UCHL1: variants seen among roughly 807,000 people sequenced by gnomAD.
The protein encoded by UCHL1 is ubiquitin C-terminal hydrolase L1.
In UCHL1, 5 loss-of-function variants were observed where a neutral mutation model predicts 33.3. The ratio of observed to expected loss-of-function variants is 0.15; its 90% CI spans 0.08 to 0.32. UCHL1 has a LOEUF of 0.32. Ranked by LOEUF, UCHL1 falls within the 10% of genes least tolerant of loss-of-function variation. UCHL1 has a pLI of 1.00. For missense variants in UCHL1, 236 were observed against 280.0 expected (o/e 0.84, Z 1.12); for synonymous variants, 132 against 108.8 (o/e 1.21, Z -1.33).
chr4:41,261,888 G>T lies in UCHL1; in HGVS notation c.424G>T (p.Ala142Ser). ...CFEKNEAIQA[A>S]HDAVAQEGQC... ...CTTTTTTCCGCAGGCCATACAGGCA[G>T]CCCATGATGCCGTGGCACAGGAAGG... The change falls in exon 6 of 9, where the codon GCC becomes TCC. Residue 142 changes from alanine to serine, a missense_variant. Physicochemically the swap from Ala to Ser is moderately conservative, Grantham distance 99. Transcript: ENST00000284440. The T allele has an allele frequency of 6.2e-7, 1 of 1,614,150 alleles. No homozygotes were observed. Among genetic ancestry groups the T allele is most frequent in the Non-Finnish European group, 8.5e-7 (1 of 1,180,034 alleles).
At position 41,268,217 on chromosome 4, in the gene UCHL1, C is replaced by A. The variant is rs1392364524; in HGVS notation, c.*144C>A. 1.3e-6 allele frequency: 1 copy of A among 779,628 alleles called. No individual in the cohort carries two copies. Among genetic ancestry groups the A allele is most frequent in the Non-Finnish European group, 2.2e-6 (1 of 462,040 alleles). The allele number at this position is 779,628 out of a possible 1,614,324, so 48.3% of individuals were successfully genotyped here. ...CAGACACGCCTTCCCCTCAGCCACA[C>A]CCAGGCACTTAAGCACAAGCAGAGT... On this transcript the variant is annotated 3_prime_UTR_variant, in exon 9 of 9. Transcript: ENST00000284440.
At chr4:41,258,175 C>T (rs1781014452) in intron 3 of UCHL1, among the ~76,000 whole-genome samples, 1 of 152,204 alleles carries the variant, frequency 6.6e-6, no homozygotes, top group South Asian at 2.1e-4. Context: ...ACCTAAATCG[C>T]AGGGAAACAA....
At position 41,256,970 on chromosome 4, in the gene UCHL1, C is replaced by T. The variant is rs757111252; in HGVS notation, c.-7C>T. 5 of 1,614,176 alleles carry T rather than the reference C, an allele frequency of 3.1e-6. No homozygotes were observed. The African/African-American group carries it at 4.0e-5, about 13-fold the overall frequency. On this transcript the variant is annotated 5_prime_UTR_variant, in exon 1 of 9. Coordinates refer to ENST00000284440, the MANE Select transcript of UCHL1 (RefSeq NM_004181.5). ...CCTAGGCTATTTCTGCCGGGCGCTC[C>T]GCGAAGATGCAGCTCAAGCCGATGG...
chr4:41,257,570 T>C lies in UCHL1; in HGVS notation c.46-39T>C, dbSNP rs1196682155. The C allele has an allele frequency of 1.1e-5, 16 of 1,480,770 alleles. No individual in the cohort carries two copies. The East Asian group carries it at 4.6e-4, about 43-fold the overall frequency. 91.7% of individuals were successfully genotyped at this position (1,480,770 alleles called of 1,614,324 possible). A position where few individuals can be genotyped will look rare whatever the true frequency, so the allele number is the denominator to read the frequency against. On this transcript the variant is annotated intron_variant, in intron 2 of 8. Transcript: ENST00000284440. ...CCCTGGCAGGTGCCCGCGACCCGCGTGTCCCCGTGCGCCTGGCCGCCTTGT... is the reference window on the plus strand; with the variant it reads ...CCCTGGCAGGTGCCCGCGACCCGCGCGTCCCCGTGCGCCTGGCCGCCTTGT...
intron 8 of UCHL1, among the ~76,000 whole-genome samples, chr4:41,264,622 C>A (rs551750815): frequency 3.3e-4 from 50 of 152,206 alleles, no homozygotes; most frequent in Non-Finnish European, 2.9e-4. Flanking sequence ...TCTACTGTTA[C>A]AAGAACAAAA....
Position 41,257,013 on chromosome 4 carries a change from A to G in UCHL1, c.33+4A>G, listed in dbSNP as rs375157748. 1.9e-5 allele frequency: 30 copies of G among 1,614,052 alleles called. No homozygotes were observed. The African/African-American group carries it at 3.9e-4, about 21-fold the overall frequency. ...GCCGATGGAGATCAACCCCGAGGTGAGCGCCAGGTGCACCGCTACCCGGAG... is the reference window on the plus strand; with the variant it reads ...GCCGATGGAGATCAACCCCGAGGTGGGCGCCAGGTGCACCGCTACCCGGAG... On this transcript the variant is annotated splice_donor_region_variant and intron_variant, in intron 1 of 8. Transcript: ENST00000284440.
intron 6 of UCHL1, among the ~76,000 whole-genome samples, chr4:41,262,277 C>CTATGTTG (rs1781082194): frequency 6.6e-6 from 1 of 152,078 alleles, no homozygotes; most frequent in Non-Finnish European, 1.5e-5. Flanking sequence ...GCTTGGCCAA[C>CTATGTTG]ATAGTGAAAC....
intron 6 of UCHL1, among the ~76,000 whole-genome samples, chr4:41,262,618 CAG>C (rs1191900916): frequency 2.0e-5 from 3 of 148,802 alleles, no homozygotes; most frequent in East Asian, 2.1e-4. Context: ...AGTCAGATCT[CAG>C]TGTCCTTTTT....
intron 2 of UCHL1, 159 bp downstream of exon 2, chr4:41,257,285 C>A: frequency 1.6e-6 from 2 of 1,219,606 alleles, no homozygotes; most frequent in Non-Finnish European, 1.1e-6. Flanking sequence ...TGGGCCCCTG[C>A]ATTTAGCGGG....
intron 2 of UCHL1, 183 bp downstream of exon 2, chr4:41,257,309 C>A: frequency 9.0e-7 from 1 of 1,106,754 alleles, no homozygotes; most frequent in Non-Finnish European, 1.2e-6. Flanking sequence ...CTCTACGAAA[C>A]CGGTCACGGG....
chr4:41,258,566 A>T (rs1781020998), intron 3 of UCHL1, among the ~76,000 whole-genome samples: 1 of 152,122 alleles, frequency 6.6e-6, no homozygotes, highest in Admixed American at 6.5e-5. Context: ...CCCAGTCATT[A>T]GCGCATGGCA....
At chr4:41,263,994 G>A in intron 7 of UCHL1, 109 bp from the exon 8 acceptor site, 4 of 1,412,758 alleles carry the variant, frequency 2.8e-6, no homozygotes, top group Non-Finnish European at 4.0e-6. Context: ...TCCTTCTGTG[G>A]GTTTGGCAGT....
Position 41,260,942 on chromosome 4 carries a change from GTCC to G in UCHL1, c.325+151_325+153del, listed in dbSNP as rs1460525826. 7 of 1,226,138 alleles carry G rather than the reference GTCC, an allele frequency of 5.7e-6. No individual in the cohort carries two copies. In the East Asian group the frequency reaches 7.0e-5, roughly 12 times the overall value. 76.0% of individuals were successfully genotyped at this position (1,226,138 alleles called of 1,614,324 possible). A position where few individuals can be genotyped will look rare whatever the true frequency, so the allele number is the denominator to read the frequency against. The stretch of plus-strand genomic sequence containing the variant: ...TGTCAGACACTTAATCTGACTCACA[GTCC>G]TCCTCAGAAAGGATTCCTAGCACTT... On this transcript the variant is annotated intron_variant, in intron 4 of 8. Transcript: ENST00000284440.
At position 41,257,455 on chromosome 4, in the gene UCHL1, C is replaced by T. The variant is rs1780996713; in HGVS notation, c.46-154C>T. On this transcript the variant is annotated intron_variant, in intron 2 of 8. Coordinates refer to ENST00000284440, the MANE Select transcript of UCHL1 (RefSeq NM_004181.5). The stretch of plus-strand genomic sequence containing the variant: ...GGCCGCGCTTTGTGCTGTGTCATTG[C>T]GCCGGCCCGGGTGGGGGTGGCAGGG... 14 of 1,105,890 alleles carry T rather than the reference C, an allele frequency of 1.3e-5. 1 individual carries two copies. The South Asian group carries it at 1.7e-4, about 13-fold the overall frequency. The allele number at this position is 1,105,890 out of a possible 1,614,324, so 68.5% of individuals were successfully genotyped here.
chr4:41,268,196 C>G lies in UCHL1; in HGVS notation c.*123C>G. 1.1e-6 allele frequency: 1 copy of G among 941,244 alleles called. No homozygotes were observed. Among genetic ancestry groups the G allele is most frequent in the Non-Finnish European group, 1.7e-6 (1 of 601,840 alleles). 58.3% of individuals were successfully genotyped at this position (941,244 alleles called of 1,614,324 possible). A position where few individuals can be genotyped will look rare whatever the true frequency, so the allele number is the denominator to read the frequency against. On this transcript the variant is annotated 3_prime_UTR_variant, in exon 9 of 9. Transcript: ENST00000284440. Reference sequence around the variant, plus strand: ...CACAGCTGTTCTTCTGTTCTGCAGACACGCCTTCCCCTCAGCCACACCCAG... The same window carrying G: ...CACAGCTGTTCTTCTGTTCTGCAGAGACGCCTTCCCCTCAGCCACACCCAG...
rs1432254580 is a variant in UCHL1 at position 41,260,655 on chromosome 4, C to T, written c.183C>T (p.Asn61=). The T allele has an allele frequency of 1.2e-6, 2 of 1,614,234 alleles. No homozygotes were observed. Among genetic ancestry groups the T allele is most frequent in the Non-Finnish European group, 1.7e-6 (2 of 1,180,040 alleles). Residue 61 remains asparagine (N), a synonymous_variant, in exon 4 of 9, where the codon AAC becomes AAT. Coordinates refer to ENST00000284440, the MANE Select transcript of UCHL1 (RefSeq NM_004181.5). ...LLFPLTAQHE[N]FRKKQIEELK... ...GCTTTTTACATTCGCAGCATGAGAACTTCAGGAAAAAGCAGATTGAAGAGC... is the reference window on the plus strand; with the variant it reads ...GCTTTTTACATTCGCAGCATGAGAATTTCAGGAAAAAGCAGATTGAAGAGC...
chr4:41,268,291 CAT>C lies in UCHL1; in HGVS notation c.*219_*220del. 1 of 604,960 alleles carries C rather than the reference CAT, an allele frequency of 1.7e-6. No individual in the cohort carries two copies. Among genetic ancestry groups the C allele is most frequent in the Non-Finnish European group, 3.0e-6 (1 of 338,850 alleles). The allele number at this position is 604,960 out of a possible 1,614,324, so 37.5% of individuals were successfully genotyped here. On this transcript the variant is annotated 3_prime_UTR_variant, in exon 9 of 9. Transcript: ENST00000284440. Reference sequence around the variant, plus strand: ...GTGGTGTGAGCTTCAGATGGTGAAGCATTCTCCCCAGTGTATGTCTTGTATCC... The same window carrying C: ...GTGGTGTGAGCTTCAGATGGTGAAGCTCTCCCCAGTGTATGTCTTGTATCC...
At chr4:41,266,003 A>G (rs1486485191) in intron 8 of UCHL1, among the ~76,000 whole-genome samples, 1 of 152,182 alleles carries the variant, frequency 6.6e-6, no homozygotes, top group African/African-American at 2.4e-5. Context: ...CTCATCTAAC[A>G]CTGCACTAAT....
At chr4:41,260,906 T>G (rs1781059400) in intron 4 of UCHL1, 109 bp downstream of exon 4, 1 of 1,477,088 alleles carries the variant, frequency 6.8e-7, no homozygotes, top group Non-Finnish European at 9.4e-7. Flanking sequence ...GAAACCATTT[T>G]GTAATGATGG....
Sources: gnomAD v4.1 joint callset for allele counts (sites outside exome capture counted in the v4.1 genomes callset) on GRCh38, gnomAD v4.1.1 for gene constraint, MANE v1.5 for transcripts, NCBI Gene and HGNC (gene_info 2026-07-23, HGNC 2026-07-21) for gene names.